DTNA: variants seen among roughly 807,000 people sequenced by gnomAD.
DTNA encodes the protein dystrobrevin alpha.
DTNA carries 43 observed loss-of-function variants against 100.7 expected under a neutral mutation model. The ratio of observed to expected loss-of-function variants is 0.43; its 90% CI spans 0.33 to 0.55. DTNA has a LOEUF of 0.55. DTNA is among the 20% of genes least tolerant of loss of function. The pLI is 0.04. For missense variants in DTNA, 798 were observed against 953.9 expected (o/e 0.84, Z 2.15); for synonymous variants, 349 against 347.9 (o/e 1.00, Z -0.04).
intron 9 of DTNA, among the ~76,000 whole-genome samples, chr18:34,826,232 T>C (rs2095855429): frequency 6.6e-6 from 1 of 152,178 alleles, no homozygotes; most frequent in African/African-American, 2.4e-5. Flanking sequence ...TTTATTTTTT[T>C]ATTTTTATTT....
chr18:34,687,536 T>C (rs923559976), intron 1 of DTNA, among the ~76,000 whole-genome samples: 2 of 152,200 alleles, frequency 1.3e-5, no homozygotes, highest in African/African-American at 2.4e-5. Flanking sequence ...TCTTTTGCAT[T>C]TGTTGAGGAG....
At chr18:34,528,859 TTA>T (rs1460734090) in intron 1 of DTNA, among the ~76,000 whole-genome samples, 2 of 152,108 alleles carry the variant, frequency 1.3e-5, no homozygotes, top group African/African-American at 4.8e-5. Context: ...GTAGCATAAT[TTA>T]TGTTTTCACA....
intron 1 of DTNA, among the ~76,000 whole-genome samples, chr18:34,742,291 T>C (rs192453724): frequency 6.6e-6 from 1 of 152,200 alleles, no homozygotes; most frequent in African/African-American, 2.4e-5. Flanking sequence ...CTTACTGTTC[T>C]GAGATCCAGA....
At chr18:34,860,664 T>C (rs923850728) in intron 16 of DTNA, among the ~76,000 whole-genome samples, 1 of 152,218 alleles carries the variant, frequency 6.6e-6, no homozygotes, top group Non-Finnish European at 1.5e-5. Context: ...AATGCATACT[T>C]TCATTTTTGT....
intron 1 of DTNA, among the ~76,000 whole-genome samples, chr18:34,732,471 T>C (rs186587123): frequency 2.2e-4 from 33 of 152,334 alleles, no homozygotes; most frequent in African/African-American, 7.5e-4. Context: ...ATGAGAAGCC[T>C]GGGCTAAAGA....
chr18:34,678,625 G>A (rs559380930), intron 1 of DTNA, among the ~76,000 whole-genome samples: 3 of 152,256 alleles, frequency 2.0e-5, no homozygotes, highest in East Asian at 1.9e-4. Flanking sequence ...GTGTTCACAG[G>A]GAGAAGCAAG....
At chr18:34,884,842 C>T (rs1347522124) in intron 22 of DTNA, 66 bp downstream of exon 22, 8 of 1,524,882 alleles carry the variant, frequency 5.2e-6, no homozygotes, top group Admixed American at 3.3e-5. Context: ...ACCTGTAATG[C>T]GAATTCACAA....
intron 1 of DTNA, among the ~76,000 whole-genome samples, chr18:34,676,699 G>T (rs555612269): frequency 6.6e-6 from 1 of 152,092 alleles, no homozygotes; most frequent in African/African-American, 2.4e-5. Flanking sequence ...GCTGAGCGTG[G>T]TGCTGAGCAC....
At chr18:34,528,589 A>G (rs1402086066) in intron 1 of DTNA, among the ~76,000 whole-genome samples, 1 of 151,472 alleles carries the variant, frequency 6.6e-6, no homozygotes, top group Non-Finnish European at 1.5e-5. Flanking sequence ...TCTAAAGAGG[A>G]AAAAAAAGAA....
intron 1 of DTNA, among the ~76,000 whole-genome samples, chr18:34,603,045 AT>A (rs2052287874): frequency 6.6e-6 from 1 of 151,602 alleles, no homozygotes; most frequent in South Asian, 2.1e-4. Flanking sequence ...ATTTAATTTA[AT>A]TTTAAAAAAG....
At chr18:34,822,513 A>G (rs112906651) in intron 9 of DTNA, 1 of 152,000 alleles carries the variant, frequency 6.6e-6, no homozygotes, top group African/African-American at 2.4e-5. Context: ...GCTGCTTCCC[A>G]CTCCTCCAAA....
At chr18:34,675,684 C>A (rs1288319888) in intron 1 of DTNA, among the ~76,000 whole-genome samples, 1 of 152,142 alleles carries the variant, frequency 6.6e-6, no homozygotes, top group Non-Finnish European at 1.5e-5. Flanking sequence ...ATAAAATCAT[C>A]ATCTAGAAGC....
At chr18:34,834,744 GTGAGAA>G (rs1170882780) in intron 11 of DTNA, among the ~76,000 whole-genome samples, 1 of 152,152 alleles carries the variant, frequency 6.6e-6, no homozygotes, top group African/African-American at 2.4e-5. Context: ...ACTCATTGCT[GTGAGAA>G]TGGCACCAAG....
At chr18:34,730,544 A>G (rs1215499628) in intron 1 of DTNA, among the ~76,000 whole-genome samples, 2 of 152,086 alleles carry the variant, frequency 1.3e-5, no homozygotes, top group East Asian at 3.9e-4. Flanking sequence ...TAGACCTTGG[A>G]GTCAGATTTG....
intron 1 of DTNA, among the ~76,000 whole-genome samples, chr18:34,637,132 T>C (rs908221050): frequency 6.6e-6 from 1 of 152,214 alleles, no homozygotes; most frequent in Non-Finnish European, 1.5e-5. Context: ...ATTTGCTCCC[T>C]AATTGTTCCA....
intron 5 of DTNA, among the ~76,000 whole-genome samples, chr18:34,808,812 A>G (rs755907577): frequency 2.6e-5 from 4 of 152,194 alleles, no homozygotes; most frequent in South Asian, 2.1e-4. Flanking sequence ...CAACAAATGC[A>G]TGTGTCCCCT....
At chr18:34,589,620 A>AAACAC (rs1487667090) in intron 1 of DTNA, among the ~76,000 whole-genome samples, 1 of 152,072 alleles carries the variant, frequency 6.6e-6, no homozygotes, top group East Asian at 1.9e-4. Flanking sequence ...AAACAAAACA[A>AAACAC]AACGAAAAAA....
chr18:34,719,218 AC>A (rs2084733690), intron 1 of DTNA, among the ~76,000 whole-genome samples: 2 of 151,976 alleles, frequency 1.3e-5, no homozygotes, highest in Non-Finnish European at 2.9e-5. Flanking sequence ...GTGTGGGTCT[AC>A]TGTAGTCCCA....
intron 2 of DTNA, among the ~76,000 whole-genome samples, chr18:34,765,512 T>C (rs556336590): frequency 1.3e-5 from 2 of 152,206 alleles, no homozygotes; most frequent in Non-Finnish European, 2.9e-5. Flanking sequence ...CTAAAAGCAA[T>C]TGGCCTAAGG....
Sources: allele counts gnomAD v4.1 joint callset (sites outside exome capture counted in the v4.1 genomes callset), GRCh38; gene constraint gnomAD v4.1.1; transcripts MANE v1.5; gene names NCBI Gene and HGNC (gene_info 2026-07-23, HGNC 2026-07-21).